Variants in STX8 observed in about 807,000 individuals in gnomAD.
STX8 encodes syntaxin 8, also known as syntaxin-8.
A neutral mutation model predicts 37.5 loss-of-function variants in STX8; 23 were observed. That is an observed-to-expected ratio of 0.61 (90% CI 0.44 to 0.87). The LOEUF (loss-of-function observed/expected upper bound fraction) is 0.87. STX8 is among the 40% of genes least tolerant of loss of function. STX8 has a pLI of 0.00. For missense variants in STX8, 313 were observed against 284.7 expected, an observed-to-expected ratio of 1.10 and a Z score of -0.71; for synonymous variants, 115 against 99.1, an observed-to-expected ratio of 1.16 and a Z score of -0.95.
At chr17:9,353,721 C>T (rs1910786349) in intron 7 of STX8, among the ~76,000 whole-genome samples, 1 of 152,126 alleles carries the variant, frequency 6.6e-6, no homozygotes, top group Non-Finnish European at 1.5e-5. Context: ...AAATATCCAA[C>T]TAAGGGTGCG....
At chr17:9,313,928 C>T (rs1261616542) in intron 7 of STX8, among the ~76,000 whole-genome samples, 1 of 152,178 alleles carries the variant, frequency 6.6e-6, no homozygotes, top group African/African-American at 2.4e-5. Context: ...CCGTGCCCAG[C>T]CTCTCCCTTT....
intron 3 of STX8, among the ~76,000 whole-genome samples, chr17:9,545,809 G>T (rs1906484365): frequency 6.6e-6 from 1 of 152,180 alleles, no homozygotes; most frequent in African/African-American, 2.4e-5. Context: ...TCGAACTCAT[G>T]ACCTCAGGTG....
chr17:9,420,899 C>A (rs1236444481), intron 6 of STX8, among the ~76,000 whole-genome samples: 2 of 152,180 alleles, frequency 1.3e-5, no homozygotes, highest in African/African-American at 4.8e-5. Flanking sequence ...CATTTACGTG[C>A]ATGTGCCTTT....
intron 4 of STX8, among the ~76,000 whole-genome samples, chr17:9,533,411 G>A (rs1476771580): frequency 6.6e-6 from 1 of 152,186 alleles, no homozygotes; most frequent in Non-Finnish European, 1.5e-5. Flanking sequence ...AGGCTGCAGT[G>A]AGCCAAGATC....
At position 9,568,355 on chromosome 17, in the gene STX8, T is replaced by G; in HGVS notation, c.117+16A>C. 1.3e-6 allele frequency: 2 copies of G among 1,594,004 alleles called. No homozygotes were observed. The highest frequency in any genetic ancestry group is 2.2e-5 in the East Asian group (1 of 44,768). Reference sequence around the variant, plus strand: ...CTCAAACAAATCATTGGGTACTAATTCCTTCATGGTATTACCTTTGGTGCC... The same window carrying G: ...CTCAAACAAATCATTGGGTACTAATGCCTTCATGGTATTACCTTTGGTGCC... On this transcript the variant is annotated intron_variant, in intron 2 of 7. Coordinates refer to ENST00000306357, the MANE Select transcript of STX8 (RefSeq NM_004853.3).
chr17:9,261,447 C>G (rs1265391562), intron 7 of STX8, among the ~76,000 whole-genome samples: 4 of 152,146 alleles, frequency 2.6e-5, no homozygotes, highest in African/African-American at 9.7e-5. Flanking sequence ...CTTCCTGGGT[C>G]TGCGGGTCTC....
chr17:9,415,079 C>G (rs1046326396), intron 6 of STX8, among the ~76,000 whole-genome samples: 1 of 152,110 alleles, frequency 6.6e-6, no homozygotes. Context: ...GTGTGAGCCA[C>G]CACGCCCGGT....
chr17:9,557,212 A>G, intron 3 of STX8: 1 of 470,504 alleles, frequency 2.1e-6, no homozygotes, highest in Non-Finnish European at 3.9e-6. Flanking sequence ...GGTTATACCC[A>G]AATAAGTTAA....
chr17:9,309,723 TAAAGG>T (rs1396745078), intron 7 of STX8, among the ~76,000 whole-genome samples: 1 of 152,122 alleles, frequency 6.6e-6, no homozygotes, highest in Non-Finnish European at 1.5e-5. Context: ...CGAAGCAAAT[TAAAGG>T]AAAGGGAAGG....
intron 6 of STX8, among the ~76,000 whole-genome samples, chr17:9,472,734 A>G (rs1259709398): frequency 6.6e-6 from 1 of 152,218 alleles, no homozygotes; most frequent in Non-Finnish European, 1.5e-5. Flanking sequence ...TTCAGGGGAA[A>G]GGAAGCCGGG....
In STX8 at chr17:9,360,374, A is replaced by G. The variant is rs535081658; in HGVS notation, c.643+18178T>C. On this transcript the variant is annotated intron_variant, in intron 7 of 7. Coordinates refer to ENST00000306357, the MANE Select transcript of STX8 (RefSeq NM_004853.3). ...CTCAGCCTCCCGAGTAGCTGGGATT[A>G]CAGTCGTGCACCACCACGCCCAGCT... 2.6e-5 allele frequency among the ~76,000 whole-genome samples: 4 copies of G among 151,476 alleles called. No individual in the cohort carries two copies. In the East Asian group the frequency reaches 7.8e-4, roughly 30 times the overall value.
In STX8 at chr17:9,259,728, G is replaced by A. The variant is rs150445906; in HGVS notation, c.644-9083C>T. 1.6e-3 allele frequency among the ~76,000 whole-genome samples: 239 copies of A among 152,272 alleles called. 5 individuals carry two copies. Among genetic ancestry groups the A allele is most frequent in the African/African-American group, 5.2e-3 (217 of 41,552 alleles). ...TTTTAAAAGCCAGTGAGGAAGTGGA[G>A]GTCAGAGCAGGGGTCACAGGACGGG... On this transcript the variant is annotated intron_variant, in intron 7 of 7. Transcript: ENST00000306357.
chr17:9,363,390 G>T lies in STX8; in HGVS notation c.643+15162C>A, dbSNP rs187081728. Among the ~76,000 whole-genome samples, 93 of 152,230 alleles carry T rather than the reference G, an allele frequency of 6.1e-4. 1 individual carries two copies. The highest frequency in any genetic ancestry group is 2.2e-4 in the Non-Finnish European group (15 of 68,038). Reference sequence around the variant, plus strand: ...TGAGCACTTGAGTGTAATGAGAACTGATGAGTTAGGCTGGGTTCACAAAAT... The same window carrying T: ...TGAGCACTTGAGTGTAATGAGAACTTATGAGTTAGGCTGGGTTCACAAAAT... On this transcript the variant is annotated intron_variant, in intron 7 of 7. Transcript: ENST00000306357.
chr17:9,332,621 C>T (rs1317124519), intron 7 of STX8, among the ~76,000 whole-genome samples: 1 of 152,178 alleles, frequency 6.6e-6, no homozygotes, highest in East Asian at 1.9e-4. Context: ...TTATTCAAAC[C>T]ATTGTCTAGT....
intron 7 of STX8, among the ~76,000 whole-genome samples, chr17:9,351,326 T>C (rs987560252): frequency 6.6e-6 from 1 of 151,706 alleles, no homozygotes; most frequent in Non-Finnish European, 1.5e-5. Flanking sequence ...CCTGGCTAAT[T>C]TTTTGTATTT....
intron 6 of STX8, among the ~76,000 whole-genome samples, chr17:9,409,205 C>T (rs770122023): frequency 6.6e-6 from 1 of 152,064 alleles, no homozygotes; most frequent in Non-Finnish European, 1.5e-5. Flanking sequence ...TGGGAAGCAC[C>T]AACTTAGGAG....
chr17:9,410,016 G>A (rs1452718496), intron 6 of STX8, among the ~76,000 whole-genome samples: 1 of 152,132 alleles, frequency 6.6e-6, no homozygotes, highest in African/African-American at 2.4e-5. Flanking sequence ...ATTGGGGGTG[G>A]GGGAGGGAGA....
chr17:9,472,167 A>G (rs1425317185), intron 6 of STX8, among the ~76,000 whole-genome samples: 1 of 151,932 alleles, frequency 6.6e-6, no homozygotes, highest in East Asian at 1.9e-4. Context: ...GTGGGATTTA[A>G]GCCTGTCTGT....
chr17:9,443,903 C>G (rs887259927), intron 6 of STX8, among the ~76,000 whole-genome samples: 2 of 152,170 alleles, frequency 1.3e-5, no homozygotes, highest in African/African-American at 4.8e-5. Context: ...CCAATATACA[C>G]CCTTCCTTTT....
Sources: allele counts gnomAD v4.1 joint callset (sites outside exome capture counted in the v4.1 genomes callset), GRCh38; gene constraint gnomAD v4.1.1; transcripts MANE v1.5; gene names NCBI Gene and HGNC (gene_info 2026-07-23, HGNC 2026-07-21).